The following SLAIN2 variants were observed in gnomAD, a reference collection of about 807,000 sequenced individuals.
The protein encoded by SLAIN2 is SLAIN family member 2.
Under a neutral mutation model 56.6 loss-of-function variants are expected in SLAIN2, and 31 were observed. The ratio of observed to expected loss-of-function variants is 0.55; its 90% CI spans 0.41 to 0.74. The LOEUF (loss-of-function observed/expected upper bound fraction) is 0.74, where lower values mean the gene tolerates loss of function less well. Among genes scored for constraint, SLAIN2 ranks in the 30% least tolerant of loss-of-function variants. The pLI is 0.00. For missense variants in SLAIN2, 777 were observed against 754.2 expected, an observed-to-expected ratio of 1.03 and a Z score of -0.35; for synonymous variants, 317 against 284.9, an observed-to-expected ratio of 1.11 and a Z score of -1.13.
chr4:48,342,139 G>A lies in SLAIN2; in HGVS notation c.389+11G>A. ...GGAGGAGGAGAGCTGGTGAGCGCGA[G>A]GCGCCGGGCAGGAGCTGGGCGGGGA... On this transcript the variant is annotated intron_variant, in intron 1 of 7. Coordinates refer to ENST00000264313, the MANE Select transcript of SLAIN2 (RefSeq NM_020846.2). 2.2e-6 allele frequency: 3 copies of A among 1,340,650 alleles called. No homozygotes were observed. The highest frequency in any genetic ancestry group is 2.9e-6 in the Non-Finnish European group (3 of 1,051,562). The allele number at this position is 1,340,650 out of a possible 1,614,324, so 83.0% of individuals were successfully genotyped here.
chr4:48,412,406 A>T (rs1716885390), intron 6 of SLAIN2, among the ~76,000 whole-genome samples: 2 of 53,380 alleles, frequency 3.7e-5, no homozygotes, highest in African/African-American at 5.9e-5. Flanking sequence ...ACACACACAC[A>T]CACACACACA....
rs761272695 is a variant in SLAIN2, at chr4:48,342,711, C to CTTTTTTTTTTTTTT, written c.389+594_389+607dup. On this transcript the variant is annotated intron_variant, in intron 1 of 7. Transcript: ENST00000264313. The stretch of plus-strand genomic sequence containing the variant: ...GAAGAGAGGGCAGAGGATGGTGCTG[C>CTTTTTTTTTTTTTT]TTTTTTTTTTTTTTTTTTTTTTTTG... Among the ~76,000 whole-genome samples the CTTTTTTTTTTTTTT allele has an allele frequency of 1.7e-3, 114 of 65,946 alleles. 9 individuals are homozygous for CTTTTTTTTTTTTTT. Among genetic ancestry groups the CTTTTTTTTTTTTTT allele is most frequent in the African/African-American group, 2.2e-3 (35 of 15,984 alleles). The allele number at this position is 65,946 out of a possible 152,430, so 43.3% of individuals were successfully genotyped here.
intron 1 of SLAIN2, among the ~76,000 whole-genome samples, chr4:48,345,387 C>T (rs1386380286): frequency 1.3e-5 from 2 of 152,072 alleles, no homozygotes; most frequent in South Asian, 2.1e-4. Flanking sequence ...TTATTTTTTT[C>T]TTAATTAACT....
intron 2 of SLAIN2, among the ~76,000 whole-genome samples, chr4:48,376,900 C>T (rs1183805895): frequency 5.5e-5 from 8 of 145,546 alleles, no homozygotes; most frequent in African/African-American, 7.6e-5. Flanking sequence ...CGTGAGCCAC[C>T]GCGCCCGGCC....
intron 6 of SLAIN2, among the ~76,000 whole-genome samples, chr4:48,403,024 C>T (rs1014910911): frequency 6.6e-6 from 1 of 152,208 alleles, no homozygotes; most frequent in Non-Finnish European, 1.5e-5. Context: ...TCAGTCCCTC[C>T]TGCATCTGGA....
chr4:48,411,491 G>A (rs1716845382), intron 6 of SLAIN2, among the ~76,000 whole-genome samples: 1 of 151,874 alleles, frequency 6.6e-6, no homozygotes, highest in Non-Finnish European at 1.5e-5. Context: ...TCTTTTGTAC[G>A]TGAATATCCA....
At chr4:48,375,064 GATA>G (rs1715769059) in intron 2 of SLAIN2, among the ~76,000 whole-genome samples, 2 of 152,188 alleles carry the variant, frequency 1.3e-5, no homozygotes, top group African/African-American at 2.4e-5. Context: ...TTAGCATATA[GATA>G]ATAATTGATG....
chr4:48,421,342 TCAGA>T lies in SLAIN2; in HGVS notation c.1680-665_1680-662del, dbSNP rs939126756. Among the ~76,000 whole-genome samples, 8 of 152,250 alleles carry T rather than the reference TCAGA, an allele frequency of 5.3e-5. 1 individual carries two copies. The highest frequency in any genetic ancestry group is 1.4e-4 in the African/African-American group (6 of 41,542). On this transcript the variant is annotated intron_variant, in intron 7 of 7. Coordinates refer to ENST00000264313, the MANE Select transcript of SLAIN2 (RefSeq NM_020846.2). ...TGCGTAATCTTCAGATGATTCTGAA[TCAGA>T]CAGGTTGGGAATGATGCATCTGTAA...
intron 6 of SLAIN2, among the ~76,000 whole-genome samples, chr4:48,391,356 A>G (rs1457113317): frequency 1.3e-5 from 2 of 152,220 alleles, no homozygotes; most frequent in Non-Finnish European, 2.9e-5. Flanking sequence ...TAAGTCTTAC[A>G]TGAAGTGCGG....
At chr4:48,358,607 C>T (rs1032292081) in intron 1 of SLAIN2, among the ~76,000 whole-genome samples, 8 of 152,260 alleles carry the variant, frequency 5.3e-5, no homozygotes, top group East Asian at 1.9e-4. Context: ...TGAGCCACTG[C>T]GCGCGGCCCA....
chr4:48,418,735 C>G (rs1306266900), intron 6 of SLAIN2, among the ~76,000 whole-genome samples: 3 of 152,168 alleles, frequency 2.0e-5, no homozygotes, highest in African/African-American at 7.2e-5. Context: ...CATTCTTAAA[C>G]ATTTGGTGGA....
At chr4:48,350,617 G>A (rs571741708) in intron 1 of SLAIN2, among the ~76,000 whole-genome samples, 40 of 152,126 alleles carry the variant, frequency 2.6e-4, no homozygotes, top group Non-Finnish European at 5.0e-4. Flanking sequence ...TAAGGCTTTG[G>A]TAATAATAAG....
intron 1 of SLAIN2, among the ~76,000 whole-genome samples, chr4:48,353,932 A>G (rs904176008): frequency 3.3e-5 from 5 of 152,190 alleles, no homozygotes; most frequent in African/African-American, 1.2e-4. Flanking sequence ...TGTAGAGAGA[A>G]AACAGTCGAC....
At chr4:48,375,380 A>C (rs1715784848) in intron 2 of SLAIN2, among the ~76,000 whole-genome samples, 1 of 152,198 alleles carries the variant, frequency 6.6e-6, no homozygotes, top group African/African-American at 2.4e-5. Flanking sequence ...TAAACAGAAA[A>C]CATATGTTCC....
At chr4:48,419,775 C>T (rs1428675119) in intron 6 of SLAIN2, among the ~76,000 whole-genome samples, 1 of 152,182 alleles carries the variant, frequency 6.6e-6, no homozygotes, top group Non-Finnish European at 1.5e-5. Flanking sequence ...GTTGGGTAGT[C>T]AACCTGTTTT....
intron 6 of SLAIN2, among the ~76,000 whole-genome samples, chr4:48,395,043 G>T (rs2109772354): frequency 6.6e-6 from 1 of 152,252 alleles, no homozygotes; most frequent in East Asian, 1.9e-4. Flanking sequence ...TGTGTAAAAT[G>T]GGAACACTTC....
At chr4:48,345,907 A>C (rs969513786) in intron 1 of SLAIN2, among the ~76,000 whole-genome samples, 2 of 152,228 alleles carry the variant, frequency 1.3e-5, no homozygotes, top group Non-Finnish European at 2.9e-5. Flanking sequence ...ATACCAGTCC[A>C]TTAATCAACA....
At chr4:48,374,909 T>A (rs981337085) in intron 2 of SLAIN2, among the ~76,000 whole-genome samples, 1 of 152,168 alleles carries the variant, frequency 6.6e-6, no homozygotes, top group Non-Finnish European at 1.5e-5. Context: ...GAATTAGATG[T>A]TAGTGCGAAG....
chr4:48,386,055 C>T (rs2109765577), intron 6 of SLAIN2, among the ~76,000 whole-genome samples: 1 of 145,424 alleles, frequency 6.9e-6, no homozygotes, highest in Admixed American at 7.0e-5. Context: ...CTGCTGTGAG[C>T]CATGATCATG....
Sources: gnomAD v4.1 joint callset for allele counts (sites outside exome capture counted in the v4.1 genomes callset) on GRCh38, gnomAD v4.1.1 for gene constraint, MANE v1.5 for transcripts, NCBI Gene and HGNC (gene_info 2026-07-23, HGNC 2026-07-21) for gene names.